The following NALCN variants were observed in gnomAD, a reference collection of about 807,000 sequenced individuals.
NALCN encodes sodium leak channel, non-selective, also known as sodium leak channel NALCN.
Under a neutral mutation model 225.3 loss-of-function variants are expected in NALCN, and 111 were observed. The observed-to-expected ratio is 0.49, with a 90% confidence interval of 0.42 to 0.58. NALCN has a LOEUF of 0.58. Among genes scored for constraint, NALCN ranks in the 20% least tolerant of loss-of-function variants. The pLI is 0.00. For missense variants in NALCN, 1,378 were observed against 2,202.4 expected (o/e 0.63, Z 7.49); for synonymous variants, 764 against 769.0 (o/e 0.99, Z 0.11).
At chr13:101,191,561 T>C (rs941308092) in intron 14 of NALCN, among the ~76,000 whole-genome samples, 1 of 152,158 alleles carries the variant, frequency 6.6e-6, no homozygotes, top group Non-Finnish European at 1.5e-5. Flanking sequence ...CTGAAGACAG[T>C]GTCTCTACAT....
intron 15 of NALCN, among the ~76,000 whole-genome samples, chr13:101,159,358 G>A (rs977269836): frequency 5.3e-5 from 8 of 152,202 alleles, no homozygotes; most frequent in African/African-American, 1.7e-4. Context: ...GCCAGAGCTT[G>A]CAGCACAGGT....
At chr13:101,358,984 G>C (rs1441837803) in intron 6 of NALCN, among the ~76,000 whole-genome samples, 1 of 152,102 alleles carries the variant, frequency 6.6e-6, no homozygotes, top group East Asian at 1.9e-4. Flanking sequence ...TCATAAGTGG[G>C]AGTTGAACAA....
intron 17 of NALCN, among the ~76,000 whole-genome samples, chr13:101,135,993 C>T (rs965479028): frequency 3.3e-5 from 5 of 152,148 alleles, no homozygotes; most frequent in Non-Finnish European, 7.3e-5. Context: ...TCTCAATGCG[C>T]ATTTACTAAG....
chr13:101,126,951 AG>A (rs1290997222), intron 17 of NALCN, among the ~76,000 whole-genome samples: 1 of 152,168 alleles, frequency 6.6e-6, no homozygotes, highest in African/African-American at 2.4e-5. Flanking sequence ...CATAGTCCTG[AG>A]ACAGACCCAG....
chr13:101,246,411 C>T (rs1258229910), intron 11 of NALCN, among the ~76,000 whole-genome samples: 1 of 152,180 alleles, frequency 6.6e-6, no homozygotes, highest in Admixed American at 6.6e-5. Flanking sequence ...AAAATCAGTT[C>T]AGGCAATCCC....
At chr13:101,101,276 T>C (rs1003172738) in intron 26 of NALCN, among the ~76,000 whole-genome samples, 1 of 104,822 alleles carries the variant, frequency 9.5e-6, no homozygotes, top group Non-Finnish European at 1.9e-5. Flanking sequence ...TATTTATTTT[T>C]TTTTCTTTTT....
At chr13:101,355,019 G>T (rs770533780) in intron 6 of NALCN, among the ~76,000 whole-genome samples, 1 of 152,186 alleles carries the variant, frequency 6.6e-6, no homozygotes, top group Non-Finnish European at 1.5e-5. Context: ...CCTGCTCTGA[G>T]TTCACAGGGG....
At chr13:101,219,199 G>C (rs1325082271) in intron 13 of NALCN, among the ~76,000 whole-genome samples, 1 of 152,138 alleles carries the variant, frequency 6.6e-6, no homozygotes, top group Admixed American at 6.6e-5. Flanking sequence ...CTGATCTCTT[G>C]AATTTTATGG....
At chr13:101,151,465 C>T (rs1343100394) in intron 15 of NALCN, among the ~76,000 whole-genome samples, 1 of 152,116 alleles carries the variant, frequency 6.6e-6, no homozygotes, top group East Asian at 1.9e-4. Flanking sequence ...ATTTTGAAAT[C>T]TAGTCCGTGT....
At chr13:101,191,770 G>A (rs1419350971) in intron 14 of NALCN, 147 bp downstream of exon 14, 1 of 700,486 alleles carries the variant, frequency 1.4e-6, no homozygotes, top group Non-Finnish European at 2.2e-6. Flanking sequence ...TAGAAACTTA[G>A]AATGGAAGGA....
intron 28 of NALCN, among the ~76,000 whole-genome samples, chr13:101,094,419 C>T (rs1470129306): frequency 6.6e-6 from 1 of 152,092 alleles, no homozygotes; most frequent in East Asian, 1.9e-4. Flanking sequence ...TTCTCTATTC[C>T]TGACTACATT....
At chr13:101,139,049 T>C (rs1476583469) in intron 17 of NALCN, among the ~76,000 whole-genome samples, 2 of 152,150 alleles carry the variant, frequency 1.3e-5, no homozygotes, top group East Asian at 3.9e-4. Context: ...GAAAACACTC[T>C]TTCCTGTCTT....
At chr13:101,058,424 G>GTTGAATGATGC in intron 42 of NALCN, 1 of 163,292 alleles carries the variant, frequency 6.1e-6, no homozygotes, top group Non-Finnish European at 1.3e-5. Context: ...GGCTGGGCGG[G>GTTGAATGATGC]GGCAGTCTAC....
chr13:101,286,983 T>C (rs2043362922), intron 9 of NALCN, among the ~76,000 whole-genome samples: 2 of 152,170 alleles, frequency 1.3e-5, no homozygotes, highest in Admixed American at 1.3e-4. Flanking sequence ...TCAATTCTTA[T>C]TTTAATGGTT....
rs112646281 is a variant in NALCN, at chr13:101,279,639, A to T, written c.1134+4294T>A. On this transcript the variant is annotated intron_variant, in intron 10 of 43. Transcript: ENST00000251127. ...AGACCATCCCGGCTAAAACGGTGAA[A>T]CCCCGTCTCTACTAAAAATACAAAA... Among the ~76,000 whole-genome samples, 499 of 147,214 alleles carry T rather than the reference A, an allele frequency of 3.4e-3. 5 individuals are homozygous for T. Among genetic ancestry groups the T allele is most frequent in the African/African-American group, 0.012 (471 of 40,632 alleles).
chr13:101,345,358 C>A lies in NALCN; in HGVS notation c.707G>T (p.Gly236Val), dbSNP rs2045686139. ...TTTAAATCCAGGTGGGCACTGGTAG[C>A]CTTCTTCTAGCTCTGGTGAGCAGTG... Reference protein sequence around the residue: ...DTHCSPELEEGYQCPPGFKCM... With the variant: ...DTHCSPELEEVYQCPPGFKCM... Residue 236 changes from glycine (G) to valine (V), a missense_variant, in exon 7 of 44, where the codon GGC (glycine) becomes GTC (valine). Gly to Val is a moderately radical substitution (Grantham distance 109, BLOSUM62 -3). Around this residue, in one of 19 missense-constraint regions of NALCN, gnomAD observed 67 missense variants for 82.1 expected, o/e 0.82. Transcript: ENST00000251127. The A allele has an allele frequency of 6.2e-7, 1 of 1,613,786 alleles. No individual in the cohort carries two copies. The highest frequency in any genetic ancestry group is 8.5e-7 in the Non-Finnish European group (1 of 1,179,806).
chr13:101,329,075 G>C (rs2045066320), intron 7 of NALCN, among the ~76,000 whole-genome samples: 1 of 152,106 alleles, frequency 6.6e-6, no homozygotes, highest in Admixed American at 6.6e-5. Flanking sequence ...TACATACAAT[G>C]TAAGGATCCT....
At chr13:101,152,761 C>G (rs2037714130) in intron 15 of NALCN, among the ~76,000 whole-genome samples, 1 of 152,092 alleles carries the variant, frequency 6.6e-6, no homozygotes, top group Admixed American at 6.6e-5. Context: ...CCAAACATCT[C>G]TATTTTATAT....
chr13:101,345,356 A>T lies in NALCN; in HGVS notation c.709T>A (p.Tyr237Asn). Residue 237 changes from tyrosine (Y) to asparagine (N), a missense_variant, in exon 7 of 44, where the codon TAC (tyrosine) becomes AAC (asparagine). Physicochemically the swap from Tyr to Asn is moderately radical, Grantham distance 143. Coordinates refer to ENST00000251127, the MANE Select transcript of NALCN (RefSeq NM_052867.4). ...CATTTAAATCCAGGTGGGCACTGGT[A>T]GCCTTCTTCTAGCTCTGGTGAGCAG... ...THCSPELEEG[Y>N]QCPPGFKCMD... 6.2e-7 allele frequency: 1 copy of T among 1,613,844 alleles called. No individual in the cohort carries two copies. Among genetic ancestry groups the T allele is most frequent in the Non-Finnish European group, 8.5e-7 (1 of 1,179,818 alleles).
Sources: allele counts gnomAD v4.1 joint callset (sites outside exome capture counted in the v4.1 genomes callset), GRCh38; gene constraint gnomAD v4.1.1; regional missense constraint gnomAD v4.1.1; transcripts MANE v1.5; gene names NCBI Gene and HGNC (gene_info 2026-07-23, HGNC 2026-07-21).